Variants in PTPRA observed in about 807,000 individuals in gnomAD.
The protein encoded by PTPRA is protein tyrosine phosphatase receptor type A, also known as receptor-type tyrosine-protein phosphatase alpha.
PTPRA carries 25 observed loss-of-function variants against 104.8 expected under a neutral mutation model. The ratio of observed to expected loss-of-function variants is 0.24; its 90% confidence interval spans 0.17 to 0.33. The LOEUF is 0.33. Ranked by LOEUF, PTPRA falls within the 10% of genes least tolerant of loss-of-function variation. PTPRA has a pLI of 1.00. For synonymous variants in PTPRA, 323 were observed against 368.9 expected (o/e 0.88, Z 1.43); for missense variants, 765 against 1,015.3 (o/e 0.75, Z 3.35).
intron 1 of PTPRA, among the ~76,000 whole-genome samples, chr20:2,880,323 A>G (rs563736985): frequency 9.4e-4 from 143 of 152,362 alleles, no homozygotes; most frequent in Non-Finnish European, 1.5e-3. Context: ...TGTCTCTGGC[A>G]TCTTCTTGGG....
intron 1 of PTPRA, among the ~76,000 whole-genome samples, chr20:2,910,610 A>ATTTTTTTTT (rs1352753968): frequency 1.8e-4 from 8 of 45,384 alleles, no homozygotes; most frequent in Middle Eastern, 0.03. Context: ...GTTTTTTTTA[A>ATTTTTTTTT]TTTTTTTTTT....
intron 1 of PTPRA, among the ~76,000 whole-genome samples, chr20:2,908,762 A>G (rs1309137433): frequency 6.6e-6 from 1 of 152,166 alleles, no homozygotes; most frequent in Non-Finnish European, 1.5e-5. Flanking sequence ...AAAAAATGAA[A>G]AACATGACAT....
intron 12 of PTPRA, 77 bp downstream of exon 12, chr20:3,015,962 T>C (rs2064426781): frequency 7.3e-7 from 1 of 1,367,846 alleles, no homozygotes; most frequent in African/African-American, 1.4e-5. Context: ...TCCCAAATGC[T>C]GAGTGGATTA....
chr20:2,902,910 A>G (rs1003576185), intron 1 of PTPRA, among the ~76,000 whole-genome samples: 8 of 152,092 alleles, frequency 5.3e-5, no homozygotes, highest in African/African-American at 1.9e-4. Flanking sequence ...ACTCCATAAT[A>G]TTTCATGGAT....
chr20:3,020,349 C>T (rs182904897), intron 13 of PTPRA, among the ~76,000 whole-genome samples: 3 of 152,276 alleles, frequency 2.0e-5, no homozygotes, highest in Non-Finnish European at 2.9e-5. Flanking sequence ...CCACCCACCT[C>T]GGCCTCCCAA....
chr20:3,032,804 T>G (rs1291103240), intron 20 of PTPRA, among the ~76,000 whole-genome samples: 2 of 151,466 alleles, frequency 1.3e-5, no homozygotes, highest in African/African-American at 2.4e-5. Flanking sequence ...CCCTGCAAGT[T>G]CTCTGTTCGC....
At position 3,005,116 on chromosome 20, in the gene PTPRA, GA is replaced by G; in HGVS notation, c.806del (p.Asn269IlefsTer4). On this transcript the variant is annotated frameshift_variant, in exon 10 of 24. Transcript: ENST00000399903. LOFTEE classifies it high-confidence loss of function. ...GGCTGCTTCCAAGGAGGAAAACAAG[GA>G]AAAAAATCGATATGTAAACATCTTG... ...CEAASKEENK[E>X]KNRYVNILPY... 2.5e-6 allele frequency: 4 copies of G among 1,608,704 alleles called. No homozygotes were observed. Among genetic ancestry groups the G allele is most frequent in the Non-Finnish European group, 3.4e-6 (4 of 1,175,178 alleles).
At chr20:3,027,232 C>T (rs775304359) in intron 19 of PTPRA, 35 bp downstream of exon 19, 5 of 1,593,416 alleles carry the variant, frequency 3.1e-6, no homozygotes, top group Non-Finnish European at 4.3e-6. Context: ...GCCCCCAACA[C>T]CCCGTGGAGA....
chr20:2,885,327 C>T (rs1333502215), intron 1 of PTPRA, among the ~76,000 whole-genome samples: 1 of 152,088 alleles, frequency 6.6e-6, no homozygotes, highest in Non-Finnish European at 1.5e-5. Context: ...CTATAAAATT[C>T]TCATAATTTG....
intron 1 of PTPRA, among the ~76,000 whole-genome samples, chr20:2,901,496 A>G (rs2059236574): frequency 6.6e-6 from 1 of 152,208 alleles, no homozygotes; most frequent in Non-Finnish European, 1.5e-5. Context: ...GGGTAGTACG[A>G]CTGCTGGTTT....
chr20:2,881,755 C>A (rs2090062067), intron 1 of PTPRA, among the ~76,000 whole-genome samples: 1 of 152,194 alleles, frequency 6.6e-6, no homozygotes, highest in Non-Finnish European at 1.5e-5. Context: ...AATCCCAGCA[C>A]TTTGGGAGGC....
At chr20:2,931,499 G>A (rs1209597377) in intron 2 of PTPRA, among the ~76,000 whole-genome samples, 2 of 152,178 alleles carry the variant, frequency 1.3e-5, no homozygotes, top group Non-Finnish European at 2.9e-5. Context: ...GATAATGGAG[G>A]TGATAATCAA....
At chr20:2,996,974 G>A (rs1454696673) in intron 9 of PTPRA, among the ~76,000 whole-genome samples, 2 of 152,058 alleles carry the variant, frequency 1.3e-5, no homozygotes, top group East Asian at 3.8e-4. Context: ...GTACAAAGAT[G>A]TTTATGACAG....
chr20:2,958,385 G>A (rs1435147485), intron 3 of PTPRA, among the ~76,000 whole-genome samples: 3 of 152,032 alleles, frequency 2.0e-5, no homozygotes, highest in African/African-American at 7.3e-5. Flanking sequence ...TGAGAGGCTG[G>A]CCTAGATGGG....
rs561455639 is a variant in PTPRA, at chr20:2,957,056, C to G, written c.-6-7216C>G. Among the ~76,000 whole-genome samples the G allele has an allele frequency of 1.2e-4, 18 of 152,242 alleles. No homozygotes were observed. The East Asian group carries it at 2.7e-3, about 23-fold the overall frequency. On this transcript the variant is annotated intron_variant, in intron 3 of 23. Transcript: ENST00000399903. ...ATCCCAGCACTTTGGGAGGCTGAGG[C>G]GGGCAGATCACGGGGTCAGGAGATC...
At chr20:3,012,922 A>T (rs1232711165) in intron 11 of PTPRA, among the ~76,000 whole-genome samples, 1 of 152,186 alleles carries the variant, frequency 6.6e-6, no homozygotes, top group South Asian at 2.1e-4. Flanking sequence ...ACATTTTCTA[A>T]CAACTTTATT....
In PTPRA at chr20:3,035,961, T is replaced by G; in HGVS notation, c.2198+20T>G. 6.2e-7 allele frequency: 1 copy of G among 1,612,274 alleles called. No individual in the cohort carries two copies. Among genetic ancestry groups the G allele is most frequent in the Non-Finnish European group, 8.5e-7 (1 of 1,179,530 alleles). ...CTGCAGGTATGGCTCACCCTTGCCCTCAGCGGGAGAGAGAAAGCGAGGAGG... is the reference window on the plus strand; with the variant it reads ...CTGCAGGTATGGCTCACCCTTGCCCGCAGCGGGAGAGAGAAAGCGAGGAGG... On this transcript the variant is annotated intron_variant, in intron 22 of 23. Coordinates refer to ENST00000399903, the MANE Select transcript of PTPRA (RefSeq NM_001385305.1). This position sits in a 1 kb window ranked among gnomAD's most constrained non-coding sequence, Gnocchi z 5.8.
chr20:2,918,370 G>T (rs371248179), intron 1 of PTPRA, among the ~76,000 whole-genome samples: 2 of 152,218 alleles, frequency 1.3e-5, no homozygotes, highest in South Asian at 4.1e-4. Context: ...TTACAAAATA[G>T]ATCAGGAGAG....
intron 11 of PTPRA, among the ~76,000 whole-genome samples, chr20:3,011,911 A>T (rs1479592109): frequency 6.6e-6 from 1 of 152,174 alleles, no homozygotes; most frequent in Non-Finnish European, 1.5e-5. Flanking sequence ...GCTGCAGAAG[A>T]ACTGGATGCT....
Sources: gnomAD v4.1 joint callset for allele counts (sites outside exome capture counted in the v4.1 genomes callset) on GRCh38, gnomAD v4.1.1 for gene constraint, Gnocchi (gnomAD v3.1) non-coding constraint, MANE v1.5 for transcripts, NCBI Gene and HGNC (gene_info 2026-07-23, HGNC 2026-07-21) for gene names.